The following UGT1A10 variants were observed in gnomAD, a reference collection of about 807,000 sequenced individuals.
UGT1A10 encodes the protein UDP glucuronosyltransferase family 1 member A10.
In UGT1A10, 49 loss-of-function variants were observed where a neutral mutation model predicts 45.8. The observed-to-expected ratio is 1.07, with a 90% CI of 0.85 to 1.36. The LOEUF is 1.36. Among genes scored for constraint, UGT1A10 ranks in the 40% most tolerant of loss-of-function variants. UGT1A10 has a pLI of 0.00. For synonymous variants in UGT1A10, 284 were observed against 249.7 expected (o/e 1.14, Z -1.29); for missense variants, 745 against 668.6 (o/e 1.11, Z -1.26).
intron 1 of UGT1A10, chr2:233,760,250 G>GT: frequency 6.2e-7 from 1 of 1,601,220 alleles, no homozygotes; most frequent in Non-Finnish European, 8.5e-7. Flanking sequence ...ATATATATAA[G>GT]TAGGAGAGGG....
At position 233,712,486 on chromosome 2, in the gene UGT1A10, G is replaced by A. The variant is rs575970867; in HGVS notation, c.856-54548G>A. Among the ~76,000 whole-genome samples, 6 of 152,296 alleles carry A rather than the reference G, an allele frequency of 3.9e-5. No homozygotes were observed. In the South Asian group the frequency reaches 1.2e-3, roughly 32 times the overall value. Reference sequence around the variant, plus strand: ...CCTCCCCACTCCCTGTTTAAAGAAAGCTGGCTTAGCAATGTTGTCTGCATT... The same window carrying A: ...CCTCCCCACTCCCTGTTTAAAGAAAACTGGCTTAGCAATGTTGTCTGCATT... On this transcript the variant is annotated intron_variant, in intron 1 of 4. Coordinates refer to ENST00000344644, the MANE Select transcript of UGT1A10 (RefSeq NM_019075.4).
chr2:233,676,258 G>C (rs1428316791), intron 1 of UGT1A10, among the ~76,000 whole-genome samples: 1 of 152,134 alleles, frequency 6.6e-6, no homozygotes, highest in African/African-American at 2.4e-5. Flanking sequence ...ATTCACTGAT[G>C]AATCACCCCT....
intron 1 of UGT1A10, among the ~76,000 whole-genome samples, chr2:233,763,630 G>T (rs1698361398): frequency 6.6e-6 from 1 of 152,108 alleles, no homozygotes; most frequent in South Asian, 2.1e-4. Flanking sequence ...CTCTTGTGTT[G>T]ATGGTCCTAT....
intron 1 of UGT1A10, among the ~76,000 whole-genome samples, chr2:233,748,662 A>G (rs1454000356): frequency 4.0e-5 from 6 of 151,710 alleles, no homozygotes; most frequent in Non-Finnish European, 8.8e-5. Flanking sequence ...TTCAGTTTCC[A>G]GAGAGGGATC....
At chr2:233,654,964 A>G (rs2073823950) in intron 1 of UGT1A10, among the ~76,000 whole-genome samples, 1 of 152,092 alleles carries the variant, frequency 6.6e-6, no homozygotes, top group Non-Finnish European at 1.5e-5. Flanking sequence ...TATGGCGGGC[A>G]TCTGTAATCA....
At chr2:233,737,147 T>C (rs909565111) in intron 1 of UGT1A10, among the ~76,000 whole-genome samples, 2 of 152,240 alleles carry the variant, frequency 1.3e-5, no homozygotes, top group African/African-American at 4.8e-5. Flanking sequence ...TGTTCAGATA[T>C]GCCCTGCCCA....
intron 1 of UGT1A10, among the ~76,000 whole-genome samples, chr2:233,652,898 G>A (rs1161003585): frequency 1.3e-5 from 2 of 152,204 alleles, no homozygotes; most frequent in East Asian, 3.8e-4. Flanking sequence ...ACCCAGATTT[G>A]GAAATGGTTT....
intron 1 of UGT1A10, chr2:233,743,023 A>G (rs574856700): frequency 4.1e-6 from 1 of 244,096 alleles, no homozygotes; most frequent in East Asian, 1.0e-4. Context: ...CGATTGAAAG[A>G]CAAACAGAGG....
In UGT1A10 at chr2:233,636,570, A is replaced by C; in HGVS notation, c.48A>C (p.Leu16=). 1 of 1,614,050 alleles carries C rather than the reference A, an allele frequency of 6.2e-7. No individual in the cohort carries two copies. The highest frequency in any genetic ancestry group is 8.5e-7 in the Non-Finnish European group (1 of 1,180,004). Reference sequence around the variant, plus strand: ...GCCCCGTTCCTTTATGTGTGTGTCTACTGCTGACCTGTGGCTTTGCCGAGG... The same window carrying C: ...GCCCCGTTCCTTTATGTGTGTGTCTCCTGCTGACCTGTGGCTTTGCCGAGG... ...WTSPVPLCVC[L]LLTCGFAEAG... Residue 16 remains leucine (L), a synonymous_variant, in exon 1 of 5, where the codon CTA becomes CTC. Transcript: ENST00000344644.
At chr2:233,644,071 T>C (rs951640810) in intron 1 of UGT1A10, among the ~76,000 whole-genome samples, 11 of 152,158 alleles carry the variant, frequency 7.2e-5, no homozygotes, top group Admixed American at 7.2e-4. Flanking sequence ...TTTCAGTATG[T>C]CATACTCCCC....
chr2:233,737,458 C>G (rs1404187897), intron 1 of UGT1A10, among the ~76,000 whole-genome samples: 1 of 152,216 alleles, frequency 6.6e-6, no homozygotes, highest in Non-Finnish European at 1.5e-5. Context: ...CAGGTACAGT[C>G]TGTCATGGCT....
intron 2 of UGT1A10, 140 bp downstream of exon 2, chr2:233,767,305 G>A (rs907806050): frequency 6.6e-7 from 1 of 1,518,864 alleles, no homozygotes; most frequent in Admixed American, 2.3e-5. Flanking sequence ...TAATCCAAAG[G>A]TTTTTTTTGT....
intron 1 of UGT1A10, among the ~76,000 whole-genome samples, chr2:233,703,459 ATTC>A (rs2075739699): frequency 6.6e-6 from 1 of 151,408 alleles, no homozygotes; most frequent in Non-Finnish European, 1.5e-5. Context: ...TTTCCCCTCT[ATTC>A]TTTATTATTT....
chr2:233,704,256 C>CTAT (rs1553607930), intron 1 of UGT1A10, among the ~76,000 whole-genome samples: 4 of 123,680 alleles, frequency 3.2e-5, no homozygotes, highest in African/African-American at 1.3e-4. Context: ...GCCTTTATTG[C>CTAT]TTTTTTTTTT....
chr2:233,715,086 A>G (rs1197035680), intron 1 of UGT1A10, among the ~76,000 whole-genome samples: 1 of 152,066 alleles, frequency 6.6e-6, no homozygotes, highest in Non-Finnish European at 1.5e-5. Flanking sequence ...GAGTTTCATC[A>G]TATTGGCCAG....
At position 233,721,294 on chromosome 2, in the gene UGT1A10, T is replaced by C. The variant is rs555243942; in HGVS notation, c.856-45740T>C. On this transcript the variant is annotated intron_variant, in intron 1 of 4. Coordinates refer to ENST00000344644, the MANE Select transcript of UGT1A10 (RefSeq NM_019075.4). ...AAAAATGTGGAAAATTAGGAAGGCATTTGAATAGTGATTGTGGCTCTTTTC... is the reference window on the plus strand; with the variant it reads ...AAAAATGTGGAAAATTAGGAAGGCACTTGAATAGTGATTGTGGCTCTTTTC... Among the ~76,000 whole-genome samples, 3 of 152,308 alleles carry C rather than the reference T, an allele frequency of 2.0e-5. No homozygotes were observed. In the East Asian group the frequency reaches 5.8e-4, roughly 29 times the overall value.
At chr2:233,703,357 C>A (rs1254530363) in intron 1 of UGT1A10, among the ~76,000 whole-genome samples, 1 of 151,876 alleles carries the variant, frequency 6.6e-6, no homozygotes, top group Non-Finnish European at 1.5e-5. Flanking sequence ...GTTAATCTAA[C>A]TTTAGGTTTA....
At chr2:233,650,512 A>T (rs1408482314) in intron 1 of UGT1A10, among the ~76,000 whole-genome samples, 1 of 152,232 alleles carries the variant, frequency 6.6e-6, no homozygotes, top group East Asian at 1.9e-4. Context: ...GCAAATTGGT[A>T]TGGATGGTCT....
intron 1 of UGT1A10, among the ~76,000 whole-genome samples, chr2:233,652,242 C>T (rs909182709): frequency 6.6e-6 from 1 of 152,178 alleles, no homozygotes; most frequent in African/African-American, 2.4e-5. Flanking sequence ...AAGTCCAAGG[C>T]CTCTCACCAG....
Sources: allele counts gnomAD v4.1 joint callset (sites outside exome capture counted in the v4.1 genomes callset), GRCh38; gene constraint gnomAD v4.1.1; transcripts MANE v1.5; gene names NCBI Gene and HGNC (gene_info 2026-07-23, HGNC 2026-07-21).